Variants in AGMO observed in about 807,000 individuals in gnomAD.
AGMO encodes glyceryl-ether monooxygenase.
Under a neutral mutation model 60.2 loss-of-function variants are expected in AGMO, and 75 were observed. The observed-to-expected ratio is 1.25, with a 90% CI of 1.03 to 1.51. The LOEUF (loss-of-function observed/expected upper bound fraction) is 1.51, where lower values mean the gene tolerates loss of function less well. Ranked by LOEUF, AGMO falls within the 40% of genes most tolerant of loss-of-function variation. The probability of loss-of-function intolerance (pLI) is 0.00; values close to 1 mark genes in which losing one functional copy is unlikely to be tolerated. For synonymous variants in AGMO, 261 were observed against 177.1 expected (o/e 1.47, Z -3.76); for missense variants, 763 against 525.5 (o/e 1.45, Z -4.42).
rs1562555231 is a variant in AGMO, at chr7:15,529,745, T to TAGA, written c.409+15026_409+15027insTCT. 3.9e-4 allele frequency among the ~76,000 whole-genome samples: 44 copies of TAGA among 113,826 alleles called. 5 individuals are homozygous for TAGA. The highest frequency in any genetic ancestry group is 1.5e-3 in the African/African-American group (43 of 28,098). The allele number at this position is 113,826 out of a possible 152,430, so 74.7% of individuals were successfully genotyped here. A position where few individuals can be genotyped will look rare whatever the true frequency, so the allele number is the denominator to read the frequency against. ...ATATACTCTATATATATTCTATATA[T>TAGA]ATATTTCTATATATATATTTCTCTA... On this transcript the variant is annotated intron_variant, in intron 3 of 12. Transcript: ENST00000342526.
chr7:15,350,207 T>G (rs930993113), intron 12 of AGMO, among the ~76,000 whole-genome samples: 2 of 152,178 alleles, frequency 1.3e-5, no homozygotes, highest in African/African-American at 4.8e-5. Flanking sequence ...CAGTGTCAGA[T>G]AGTGTCATAG....
chr7:15,366,237 C>T lies in AGMO; in HGVS notation c.1075-15G>A, dbSNP rs746835560. 6.3e-6 allele frequency: 10 copies of T among 1,589,236 alleles called. No individual in the cohort carries two copies. The South Asian group carries it at 6.8e-5, about 11-fold the overall frequency. ...TGCGACAGTGCCTGTCAAACAAACACGGAGATCAATGGAGCCGTTAGAAGA... is the reference window on the plus strand; with the variant it reads ...TGCGACAGTGCCTGTCAAACAAACATGGAGATCAATGGAGCCGTTAGAAGA... On this transcript the variant is annotated splice_polypyrimidine_tract_variant and intron_variant, in intron 10 of 12. Coordinates refer to ENST00000342526, the MANE Select transcript of AGMO (RefSeq NM_001004320.2).
At chr7:15,389,096 G>A (rs757456064) in intron 8 of AGMO, among the ~76,000 whole-genome samples, 3 of 152,074 alleles carry the variant, frequency 2.0e-5, no homozygotes, top group East Asian at 1.9e-4. Flanking sequence ...GTTTTCCTCA[G>A]CAAGACTGTA....
intron 12 of AGMO, among the ~76,000 whole-genome samples, chr7:15,206,915 G>C (rs1188431620): frequency 1.3e-5 from 2 of 152,102 alleles, no homozygotes; most frequent in Non-Finnish European, 2.9e-5. Flanking sequence ...CTTATAATTA[G>C]AGTAACAAAA....
chr7:15,479,964 A>C (rs1049484366), intron 3 of AGMO, among the ~76,000 whole-genome samples: 2 of 152,158 alleles, frequency 1.3e-5, no homozygotes, highest in Admixed American at 6.5e-5. Flanking sequence ...GGGTGACTTA[A>C]AGCAAAAAAA....
At chr7:15,152,861 G>A in the AGMO span, among the ~76,000 whole-genome samples, 1 of 152,124 alleles carries the variant, frequency 6.6e-6, no homozygotes, top group Non-Finnish European at 1.5e-5. Context: ...TAGATACCTA[G>A]TAGTGGGATT....
At chr7:15,167,975 G>A in the AGMO span, among the ~76,000 whole-genome samples, 3 of 152,218 alleles carry the variant, frequency 2.0e-5, no homozygotes, top group Non-Finnish European at 2.9e-5. Flanking sequence ...AGACCTTGGT[G>A]AACACACAAG....
rs902836540 is a variant in AGMO, at chr7:15,558,848, T to A, written c.257+1293A>T. Among the ~76,000 whole-genome samples, 252 of 152,202 alleles carry A rather than the reference T, an allele frequency of 1.7e-3. 3 individuals carry two copies. Among genetic ancestry groups the A allele is most frequent in the Non-Finnish European group, 2.1e-4 (14 of 67,986 alleles). On this transcript the variant is annotated intron_variant, in intron 2 of 12. Coordinates refer to ENST00000342526, the MANE Select transcript of AGMO (RefSeq NM_001004320.2). ...AAGTTTTAATGTTATTTTTTAAAAATCCACCTTAGCTTCCCACTGGGCGGT... is the reference window on the plus strand; with the variant it reads ...AAGTTTTAATGTTATTTTTTAAAAAACCACCTTAGCTTCCCACTGGGCGGT...
At chr7:15,393,783 G>A (rs767625271) in intron 6 of AGMO, among the ~76,000 whole-genome samples, 6 of 152,168 alleles carry the variant, frequency 3.9e-5, no homozygotes, top group African/African-American at 1.2e-4. Context: ...GGGTCAAGAA[G>A]TAGCCTTTGA....
chr7:15,367,097 G>C (rs955220424), intron 10 of AGMO, among the ~76,000 whole-genome samples: 1 of 151,852 alleles, frequency 6.6e-6, no homozygotes, highest in Non-Finnish European at 1.5e-5. Flanking sequence ...ACCATTTACA[G>C]TTTGTTTTTG....
At chr7:15,311,901 G>C (rs4543438) in intron 12 of AGMO, among the ~76,000 whole-genome samples, 1 of 151,904 alleles carries the variant, frequency 6.6e-6, no homozygotes, top group African/African-American at 2.4e-5. Flanking sequence ...AGAAGACAGA[G>C]ATGCTAGTAA....
rs573523826 is a variant in AGMO at position 15,529,012 on chromosome 7, G to A, written c.409+15760C>T. Among the ~76,000 whole-genome samples the A allele has an allele frequency of 2.8e-3, 422 of 152,072 alleles. 6 individuals are homozygous for A. The highest frequency in any genetic ancestry group is 9.5e-3 in the African/African-American group (394 of 41,496). On this transcript the variant is annotated intron_variant, in intron 3 of 12. Transcript: ENST00000342526. ...AATTGCATAAGAAAGTGGGGTTATG[G>A]CATCAACTTAAAAGACACAAAAAGA...
rs576288048 is a variant in AGMO at position 15,526,465 on chromosome 7, C to A, written c.409+18307G>T. Among the ~76,000 whole-genome samples the A allele has an allele frequency of 2.0e-5, 3 of 152,242 alleles. No homozygotes were observed. In the South Asian group the frequency reaches 6.2e-4, roughly 32 times the overall value. The stretch of plus-strand genomic sequence containing the variant: ...TGCAAGTCCCCACTGCAAGATATCT[C>A]GCCTTTTCTGGCCAAACCAATGTAT... On this transcript the variant is annotated intron_variant, in intron 3 of 12. Coordinates refer to ENST00000342526, the MANE Select transcript of AGMO (RefSeq NM_001004320.2).
chr7:15,191,996 CACACACACACAG>C, the AGMO span, among the ~76,000 whole-genome samples: 1 of 151,910 alleles, frequency 6.6e-6, no homozygotes, highest in African/African-American at 2.4e-5. Flanking sequence ...CACACACACA[CACACACACACAG>C]AGAACTATTC....
At chr7:15,296,963 A>T (rs1784422635) in intron 12 of AGMO, among the ~76,000 whole-genome samples, 1 of 152,126 alleles carries the variant, frequency 6.6e-6, no homozygotes, top group African/African-American at 2.4e-5. Flanking sequence ...CGTTTCTCAA[A>T]TGTACTTTGA....
chr7:15,327,477 A>G (rs1214397620), intron 12 of AGMO, among the ~76,000 whole-genome samples: 1 of 152,138 alleles, frequency 6.6e-6, no homozygotes, highest in Non-Finnish European at 1.5e-5. Flanking sequence ...ACTCACATGC[A>G]AAGATCATTT....
intron 12 of AGMO, among the ~76,000 whole-genome samples, chr7:15,354,431 T>TGTGTCTATACAC (rs1782412666): frequency 3.8e-5 from 1 of 26,148 alleles, no homozygotes; most frequent in African/African-American, 3.1e-4. Flanking sequence ...TACACACACG[T>TGTGTCTATACAC]GTGTGTATAC....
At chr7:15,378,961 C>T (rs189281690) in intron 10 of AGMO, among the ~76,000 whole-genome samples, 362 of 152,152 alleles carry the variant, frequency 2.4e-3, no homozygotes, top group African/African-American at 8.2e-3. Flanking sequence ...GAAATTCACT[C>T]AAAACCATAC....
intron 12 of AGMO, among the ~76,000 whole-genome samples, chr7:15,273,000 T>G (rs916789662): frequency 5.3e-5 from 8 of 152,192 alleles, no homozygotes; most frequent in Non-Finnish European, 1.0e-4. Context: ...CTTGTAAATT[T>G]GGGTTCTTTG....
Sources: allele counts gnomAD v4.1 joint callset (sites outside exome capture counted in the v4.1 genomes callset), GRCh38; gene constraint gnomAD v4.1.1; transcripts MANE v1.5; gene names NCBI Gene and HGNC (gene_info 2026-07-23, HGNC 2026-07-21).